CPZ: variants seen among roughly 807,000 people sequenced by gnomAD.
CPZ encodes the protein VEZT/CPZ fusion.
CPZ carries 103 observed loss-of-function variants against 61.8 expected under a neutral mutation model. The ratio of observed to expected loss-of-function variants is 1.67; its 90% CI spans 1.42 to 1.96. CPZ has a LOEUF of 1.96. CPZ is among the 30% of genes most tolerant of loss of function. CPZ has a pLI of 0.00. For synonymous variants in CPZ, 551 were observed against 373.7 expected (o/e 1.47, Z -5.47); for missense variants, 1,461 against 914.9 (o/e 1.60, Z -7.70).
Position 8,593,773 on chromosome 4 carries a change from AC to A in CPZ, c.88+856del, listed in dbSNP as rs201907017. On this transcript the variant is annotated intron_variant, in intron 1 of 10. Transcript: ENST00000360986. The stretch of plus-strand genomic sequence containing the variant: ...CGAGTGGATGTGCCAGGACCACAAT[AC>A]CCCACCCCAGTGCGCTGTGTCGACA... 7.3e-3 allele frequency among the ~76,000 whole-genome samples: 1,108 copies of A among 152,080 alleles called. 7 individuals carry two copies. Among genetic ancestry groups the A allele is most frequent in the Middle Eastern group, 0.017 (5 of 294 alleles).
rs35993494 is a variant in CPZ at position 8,601,390 on chromosome 4, A to T, written c.389A>T (p.Gln130Leu). 0.18 allele frequency: 285,248 copies of T among 1,594,534 alleles called. 27,405 individuals carry two copies. Among genetic ancestry groups the T allele is most frequent in the South Asian group, 0.2 (18,065 of 89,196 alleles). The change falls in exon 3 of 11, where the codon CAG (glutamine) becomes CTG (leucine). Residue 130 changes from glutamine to leucine, a missense_variant. Transcript: ENST00000360986. ...HICEGLREVCQPAFDAIDMAW... is the reference protein window; with the variant it reads ...HICEGLREVCLPAFDAIDMAW... ...TGCGAGGGCCTGCGGGAGGTCTGCC[A>T]GCCCGCCTTCGACGCCATTGACATG...
chr4:8,601,530 T>C (rs747625839), intron 3 of CPZ, 33 bp downstream of exon 3: 3 of 1,437,198 alleles, frequency 2.1e-6, no homozygotes, highest in Admixed American at 2.6e-5. Flanking sequence ...TGTGTGGTCA[T>C]GGGGTCCAGG....
intron 9 of CPZ, among the ~76,000 whole-genome samples, chr4:8,617,789 G>A (rs962006762): frequency 6.6e-5 from 10 of 152,184 alleles, no homozygotes; most frequent in Non-Finnish European, 1.3e-4. Context: ...AGCAGGGGCC[G>A]TGTGGGTGGT....
chr4:8,603,354 C>T (rs75552046), intron 3 of CPZ: 5,544 of 152,298 alleles, frequency 0.036, 276 homozygotes, highest in African/African-American at 0.11. Context: ...TAGAGACGTT[C>T]GTATTCTAGT....
intron 3 of CPZ, chr4:8,602,323 T>C (rs1446137328): frequency 6.6e-6 from 1 of 152,244 alleles, no homozygotes; most frequent in East Asian, 1.9e-4. Context: ...GTAAAAGAAA[T>C]GTTCTATTGT....
intron 1 of CPZ, among the ~76,000 whole-genome samples, chr4:8,594,064 C>T (rs1014770846): frequency 6.6e-6 from 1 of 152,188 alleles, no homozygotes; most frequent in African/African-American, 2.4e-5. Context: ...AGAAATGCAG[C>T]CTCCTCCTCT....
At chr4:8,613,135 T>TC (rs1715855594) in intron 8 of CPZ, among the ~76,000 whole-genome samples, 1 of 142,392 alleles carries the variant, frequency 7.0e-6, no homozygotes, top group Admixed American at 6.8e-5. Flanking sequence ...CTCTGTTCCT[T>TC]TTTTTTTTTT....
intron 9 of CPZ, among the ~76,000 whole-genome samples, chr4:8,617,050 CCT>C (rs1469839074): frequency 1.3e-5 from 2 of 152,210 alleles, no homozygotes; most frequent in East Asian, 1.9e-4. Context: ...TGCCCACTCC[CCT>C]CTTTCAGCCA....
chr4:8,605,395 T>C (rs1468812190), intron 4 of CPZ, among the ~76,000 whole-genome samples: 1 of 147,618 alleles, frequency 6.8e-6, no homozygotes, highest in East Asian at 2.1e-4. Context: ...CACCCATTCA[T>C]TCATACATCC....
intron 9 of CPZ, among the ~76,000 whole-genome samples, chr4:8,614,864 T>C (rs1716030196): frequency 6.6e-6 from 1 of 151,482 alleles, no homozygotes; most frequent in African/African-American, 2.4e-5. Context: ...CAGGGCTTCA[T>C]CTTGAAGAAG....
chr4:8,614,918 A>AG (rs1397669840), intron 9 of CPZ, among the ~76,000 whole-genome samples: 1 of 151,848 alleles, frequency 6.6e-6, no homozygotes. Flanking sequence ...CTCCCAGCAG[A>AG]GGGGAGCATG....
At position 8,611,081 on chromosome 4, in the gene CPZ, C is replaced by T. The variant is rs192993812; in HGVS notation, c.1228-946C>T. The T allele has an allele frequency of 5.7e-4, 209 of 365,356 alleles. 1 individual carries two copies. In the East Asian group the frequency reaches 0.011, roughly 20 times the overall value. 22.6% of individuals were successfully genotyped at this position (365,356 alleles called of 1,614,324 possible). ...TCACTCACTCATTCACTCATTCATT[C>T]GCTCATTCACTCACTCACTCACTCA... On this transcript the variant is annotated intron_variant, in intron 7 of 10. Transcript: ENST00000360986.
Position 8,601,418 on chromosome 4 carries a change from C to T in CPZ, c.417C>T (p.Ala139=), listed in dbSNP as rs768604783. The T allele has an allele frequency of 6.3e-5, 99 of 1,574,222 alleles. No individual in the cohort carries two copies. Among genetic ancestry groups the T allele is most frequent in the Non-Finnish European group, 8.4e-5 (97 of 1,158,548 alleles). The change falls in exon 3 of 11, where the codon GCC becomes GCT. Residue 139 remains alanine (A), a synonymous_variant. Coordinates refer to ENST00000360986, the MANE Select transcript of CPZ (RefSeq NM_001014447.3). ...CCGCCTTCGACGCCATTGACATGGC[C>T]TGGCCCTACTTCCTTGACTGCCACC... ...CQPAFDAIDM[A]WPYFLDCHRY...
At chr4:8,611,506 T>G (rs1715679079) in intron 7 of CPZ, among the ~76,000 whole-genome samples, 1 of 152,172 alleles carries the variant, frequency 6.6e-6, no homozygotes, top group South Asian at 2.1e-4. Flanking sequence ...AGGGAGGGGC[T>G]TCCTGCAGGC....
intron 8 of CPZ, 82 bp downstream of exon 8, chr4:8,612,244 G>T (rs115947201): frequency 2.8e-6 from 3 of 1,062,144 alleles, no homozygotes; most frequent in African/African-American, 1.9e-5. Context: ...GTAACTCCAC[G>T]GTCTGCTGCT....
At chr4:8,605,580 C>CATCATGTATTCATCCATCA (rs1553876797) in intron 4 of CPZ, among the ~76,000 whole-genome samples, 124 of 149,896 alleles carry the variant, frequency 8.3e-4, no homozygotes, top group African/African-American at 2.9e-3. Context: ...TCCATCCAGC[C>CATCATGTATTCATCCATCA]ATCCAGCCAG....
intron 9 of CPZ, among the ~76,000 whole-genome samples, chr4:8,616,525 G>A (rs1437246929): frequency 6.6e-6 from 1 of 152,218 alleles, no homozygotes; most frequent in Non-Finnish European, 1.5e-5. Flanking sequence ...GGGGCCCTGG[G>A]GTAGGCCCCC....
intron 8 of CPZ, 42 bp from the exon 9 acceptor site, chr4:8,614,317 G>T: frequency 6.3e-7 from 1 of 1,593,908 alleles, no homozygotes; most frequent in South Asian, 1.1e-5. Context: ...CTGTCTCTGT[G>T]CGGCTGACAC....
intron 7 of CPZ, among the ~76,000 whole-genome samples, chr4:8,609,091 T>TTCACTCACGTACTCACTCCCTCCC (rs1560297794): frequency 2.5e-5 from 1 of 39,906 alleles, no homozygotes; most frequent in East Asian, 1.5e-3. Flanking sequence ...CATTCACCCA[T>TTCACTCACGTACTCACTCCCTCCC]TCACTCACTC....
Sources: allele counts gnomAD v4.1 joint callset (sites outside exome capture counted in the v4.1 genomes callset), GRCh38; gene constraint gnomAD v4.1.1; transcripts MANE v1.5; gene names NCBI Gene and HGNC (gene_info 2026-07-23, HGNC 2026-07-21).